Variants in DPP10 observed in about 807,000 individuals in gnomAD.
DPP10 encodes the protein inactive dipeptidyl peptidase 10.
A neutral mutation model predicts 120.9 loss-of-function variants in DPP10; 33 were observed. That is an observed-to-expected ratio of 0.27 (90% CI 0.21 to 0.37). The LOEUF is 0.37. Ranked by LOEUF, DPP10 falls within the 10% of genes least tolerant of loss-of-function variation. DPP10 has a pLI of 1.00. For missense variants in DPP10, 816 were observed against 942.8 expected (o/e 0.87, Z 1.76); for synonymous variants, 337 against 326.1 (o/e 1.03, Z -0.36).
intron 1 of DPP10, among the ~76,000 whole-genome samples, chr2:114,586,837 C>G (rs1691021327): frequency 1.3e-5 from 2 of 152,128 alleles, no homozygotes; most frequent in Non-Finnish European, 2.9e-5. Context: ...TGGCATCTGC[C>G]CCATCTCTCT....
intron 15 of DPP10, 96 bp downstream of exon 15, chr2:115,777,930 TC>T: frequency 7.5e-7 from 1 of 1,326,518 alleles, no homozygotes; most frequent in Non-Finnish European, 1.1e-6. Flanking sequence ...AATGTCTTTT[TC>T]AACATGGCTA....
chr2:114,823,206 G>C (rs879750804), intron 1 of DPP10, among the ~76,000 whole-genome samples: 1 of 152,172 alleles, frequency 6.6e-6, no homozygotes, highest in African/African-American at 2.4e-5. Context: ...CCTCAGGAAA[G>C]TTACAATCCT....
At chr2:115,222,135 T>TA (rs760597517) in intron 1 of DPP10, among the ~76,000 whole-genome samples, 7 of 152,094 alleles carry the variant, frequency 4.6e-5, no homozygotes, top group Non-Finnish European at 8.8e-5. Context: ...TGGTACCACT[T>TA]ACGGGGGAAG....
At chr2:115,013,658 C>CAAAAAAAAAAAAAAA (rs59313783) in intron 1 of DPP10, among the ~76,000 whole-genome samples, 1 of 58,412 alleles carries the variant, frequency 1.7e-5, no homozygotes, top group Non-Finnish European at 3.7e-5. Flanking sequence ...AAATGGAAAG[C>CAAAAAAAAAAAAAAA]AAAAAAAAAA....
intron 3 of DPP10, among the ~76,000 whole-genome samples, chr2:115,380,672 A>T (rs1398925403): frequency 1.3e-5 from 2 of 151,446 alleles, no homozygotes; most frequent in African/African-American, 4.9e-5. Context: ...TTTTGGCATG[A>T]TTTTGCAGTG....
At chr2:115,720,920 G>T (rs1456974804) in intron 7 of DPP10, among the ~76,000 whole-genome samples, 3 of 152,190 alleles carry the variant, frequency 2.0e-5, no homozygotes, top group African/African-American at 7.2e-5. Flanking sequence ...AATTTGGGTG[G>T]TGGGCCGGGA....
chr2:115,062,166 G>GTA (rs1553480281), intron 1 of DPP10, among the ~76,000 whole-genome samples: 3,295 of 142,154 alleles, frequency 0.023, 162 homozygotes, highest in Middle Eastern at 0.05. Context: ...GTGTGTGTGT[G>GTA]TGTATGTGTG....
intron 1 of DPP10, among the ~76,000 whole-genome samples, chr2:114,795,023 A>G (rs1349331798): frequency 6.6e-6 from 1 of 152,164 alleles, no homozygotes; most frequent in Non-Finnish European, 1.5e-5. Flanking sequence ...TATTTTGTAT[A>G]CCATTCGTCT....
At chr2:115,821,826 T>C (rs1687847241) in intron 21 of DPP10, among the ~76,000 whole-genome samples, 1 of 151,950 alleles carries the variant, frequency 6.6e-6, no homozygotes, top group African/African-American at 2.4e-5. Flanking sequence ...TGTATAGTTA[T>C]TATAAACGTG....
chr2:114,582,356 G>T (rs1014690316), intron 1 of DPP10, among the ~76,000 whole-genome samples: 1 of 152,170 alleles, frequency 6.6e-6, no homozygotes, highest in Non-Finnish European at 1.5e-5. Context: ...GGATATGTTG[G>T]TTGCTTCCAA....
At chr2:115,438,141 A>G (rs1272761285) in intron 3 of DPP10, among the ~76,000 whole-genome samples, 2 of 152,144 alleles carry the variant, frequency 1.3e-5, no homozygotes, top group Non-Finnish European at 2.9e-5. Flanking sequence ...GATGTTAAAC[A>G]TCACTAACCA....
At chr2:115,472,369 T>TA (rs2074785542) in intron 3 of DPP10, among the ~76,000 whole-genome samples, 1 of 152,192 alleles carries the variant, frequency 6.6e-6, no homozygotes, top group Non-Finnish European at 1.5e-5. Flanking sequence ...ATGCAATTTT[T>TA]AAAAAATTTC....
chr2:115,404,185 C>T (rs1461249528), intron 3 of DPP10, among the ~76,000 whole-genome samples: 1 of 152,034 alleles, frequency 6.6e-6, no homozygotes, highest in Non-Finnish European at 1.5e-5. Flanking sequence ...TTGGGGAGGC[C>T]TCAGAAAACT....
chr2:115,149,293 T>C (rs1573788925), intron 1 of DPP10, among the ~76,000 whole-genome samples: 1 of 152,214 alleles, frequency 6.6e-6, no homozygotes, highest in East Asian at 1.9e-4. Flanking sequence ...ATTCTATCCA[T>C]TATTTTTACA....
At chr2:115,590,128 T>C (rs1412557030) in intron 5 of DPP10, among the ~76,000 whole-genome samples, 15 of 142,580 alleles carry the variant, frequency 1.1e-4, no homozygotes, top group Admixed American at 3.5e-4. Context: ...TTTTTTTTTT[T>C]CCCCCATATG....
At chr2:115,161,707 C>A in intron 1 of DPP10, 2 of 383,904 alleles carry the variant, frequency 5.2e-6, no homozygotes. Context: ...CGGCTCGCTG[C>A]GCTTTGGGTG....
At position 115,762,599 on chromosome 2, in the gene DPP10, C is replaced by G. The variant is rs1455029450; in HGVS notation, c.1102C>G (p.Leu368Val). ...KKYEMTSDTW[L>V]SQQNEEPVFS... ...ATATGAGATGACATCAGATACGTGG[C>G]TCTCTCAGCAGGTACAGTATAGGTG... The change falls in exon 12 of 26, where the codon CTC becomes GTC. Residue 368 changes from leucine (L) to valine (V), a missense_variant. Transcript: ENST00000410059. 5 of 1,613,334 alleles carry G rather than the reference C, an allele frequency of 3.1e-6. No homozygotes were observed.
chr2:115,323,633 T>C (rs2062180265), intron 2 of DPP10, among the ~76,000 whole-genome samples: 1 of 152,154 alleles, frequency 6.6e-6, no homozygotes, highest in Non-Finnish European at 1.5e-5. Context: ...ATTACCAACA[T>C]TGGAAAATCA....
chr2:114,872,327 AACTC>A (rs1274017271), intron 1 of DPP10, among the ~76,000 whole-genome samples: 4 of 152,052 alleles, frequency 2.6e-5, no homozygotes, highest in Non-Finnish European at 1.5e-5. Context: ...ATTCCAAGAA[AACTC>A]ACTCACTATC....
Sources: allele counts gnomAD v4.1 joint callset (sites outside exome capture counted in the v4.1 genomes callset), GRCh38; gene constraint gnomAD v4.1.1; transcripts MANE v1.5; gene names NCBI Gene and HGNC (gene_info 2026-07-23, HGNC 2026-07-21).